Variants in FBXO34 observed in about 807,000 individuals in gnomAD.
FBXO34 encodes the protein F-box only protein 34.
In FBXO34, 12 loss-of-function variants were observed where a neutral mutation model predicts 24.5. The ratio of observed to expected loss-of-function variants is 0.49; its 90% CI spans 0.31 to 0.79. The LOEUF (loss-of-function observed/expected upper bound fraction) is 0.79, where lower values mean the gene tolerates loss of function less well. Ranked by LOEUF, FBXO34 falls within the 30% of genes least tolerant of loss-of-function variation. The pLI is 0.04. For synonymous variants in FBXO34, 320 were observed against 311.9 expected, an observed-to-expected ratio of 1.03 and a Z score of -0.27; for missense variants, 823 against 857.7, an observed-to-expected ratio of 0.96 and a Z score of 0.51.
the FBXO34 span, among the ~76,000 whole-genome samples, chr14:55,393,925 C>T: frequency 2.6e-5 from 4 of 151,820 alleles, no homozygotes; most frequent in East Asian, 7.7e-4. Flanking sequence ...TTATTTTTTT[C>T]CATTAATAAA....
At chr14:55,437,357 A>C in the FBXO34 span, among the ~76,000 whole-genome samples, 1 of 152,248 alleles carries the variant, frequency 6.6e-6, no homozygotes, top group Admixed American at 6.5e-5. Context: ...GCCTGCCTGT[A>C]ATCCCAGCTA....
chr14:55,296,346 G>C (rs1319021237), intron 1 of FBXO34, among the ~76,000 whole-genome samples: 1 of 149,650 alleles, frequency 6.7e-6, no homozygotes, highest in East Asian at 2.0e-4. Context: ...TGAAGGAGTA[G>C]AGGGGTAGAC....
chr14:55,440,296 T>C, the FBXO34 span: 5 of 1,440,852 alleles, frequency 3.5e-6, no homozygotes. Context: ...GCCCGCCTCT[T>C]ATGGTCGCTA....
intron 1 of FBXO34, among the ~76,000 whole-genome samples, chr14:55,273,693 T>C (rs1308513149): frequency 6.6e-6 from 1 of 152,216 alleles, no homozygotes; most frequent in Non-Finnish European, 1.5e-5. Flanking sequence ...CTTGGCAAGA[T>C]ACTATGTAAT....
At chr14:55,414,447 C>G in the FBXO34 span, 1 of 1,603,394 alleles carries the variant, frequency 6.2e-7, no homozygotes, top group South Asian at 1.1e-5. Flanking sequence ...TCAGAACGTT[C>G]TTTGGCACCT....
chr14:55,414,568 G>A, the FBXO34 span: 1 of 707,996 alleles, frequency 1.4e-6, no homozygotes, highest in Non-Finnish European at 2.2e-6. Flanking sequence ...CATCTCTTTA[G>A]CTGTACCTGA....
intron 1 of FBXO34, among the ~76,000 whole-genome samples, chr14:55,304,303 A>C (rs1489506862): frequency 2.6e-5 from 4 of 152,060 alleles, no homozygotes; most frequent in Non-Finnish European, 4.4e-5. Context: ...TAATTCATTA[A>C]CACCATCATG....
At chr14:55,440,577 C>T in the FBXO34 span, 1 of 1,560,498 alleles carries the variant, frequency 6.4e-7, no homozygotes, top group East Asian at 2.3e-5. Flanking sequence ...GGCGGGGCGG[C>T]CCTCGGCCCA....
At chr14:55,335,335 G>A (rs1883739429) in intron 1 of FBXO34, 1 of 152,138 alleles carries the variant, frequency 6.6e-6, no homozygotes, top group East Asian at 1.9e-4. Flanking sequence ...AGGAGTTGAT[G>A]GTAGGTAATG....
chr14:55,273,179 T>C (rs912948426), intron 1 of FBXO34, among the ~76,000 whole-genome samples: 1 of 152,056 alleles, frequency 6.6e-6, no homozygotes, highest in African/African-American at 2.4e-5. Flanking sequence ...GTACGGTTTT[T>C]TTTTTTTCCT....
the FBXO34 span, chr14:55,440,549 T>G: frequency 6.3e-7 from 1 of 1,596,682 alleles, no homozygotes. Flanking sequence ...AGGCCATTTA[T>G]GAGCCTGGGG....
the FBXO34 span, among the ~76,000 whole-genome samples, chr14:55,420,111 C>G: frequency 6.6e-6 from 1 of 152,192 alleles, no homozygotes; most frequent in Non-Finnish European, 1.5e-5. Context: ...TGCTCTGTTA[C>G]CCAGGCTAGA....
intron 1 of FBXO34, among the ~76,000 whole-genome samples, chr14:55,340,952 T>C (rs376342380): frequency 6.6e-6 from 1 of 152,172 alleles, no homozygotes; most frequent in African/African-American, 2.4e-5. Flanking sequence ...ATGTCAGAAA[T>C]TGCTATTGCC....
At chr14:55,413,809 C>T in the FBXO34 span, 1 of 373,652 alleles carries the variant, frequency 2.7e-6, no homozygotes, top group Non-Finnish European at 5.2e-6. Context: ...CACATTCATT[C>T]TCTTGGCAAA....
intron 1 of FBXO34, among the ~76,000 whole-genome samples, chr14:55,316,353 A>C (rs369431817): frequency 1.3e-5 from 2 of 151,544 alleles, no homozygotes; most frequent in Admixed American, 1.3e-4. Context: ...TTGGGAGGCC[A>C]AGGTAGGTCT....
chr14:55,366,052 AG>A (rs765158842), downstream of FBXO34, among the ~76,000 whole-genome samples: 58 of 152,200 alleles, frequency 3.8e-4, no homozygotes, highest in South Asian at 4.1e-4. Flanking sequence ...AAGTCTGGGC[AG>A]GTTCCACGTG....
At chr14:55,338,413 T>C (rs529862292) in intron 1 of FBXO34, among the ~76,000 whole-genome samples, 174 of 152,254 alleles carry the variant, frequency 1.1e-3, no homozygotes, top group Admixed American at 1.6e-3. Flanking sequence ...CCATCTCTGA[T>C]TCAGTTTCTT....
the FBXO34 span, chr14:55,380,469 G>A: frequency 1.4e-6 from 1 of 738,596 alleles, no homozygotes; most frequent in Non-Finnish European, 2.3e-6. Flanking sequence ...CTCTGTCTTG[G>A]TAATACTTAC....
At chr14:55,411,687 A>G in the FBXO34 span, 1 of 1,613,204 alleles carries the variant, frequency 6.2e-7, no homozygotes, top group African/African-American at 1.3e-5. Context: ...GTAGTGTTGC[A>G]CAGCGGGCAG....
Sources: gnomAD v4.1 joint callset for allele counts (sites outside exome capture counted in the v4.1 genomes callset) on GRCh38, gnomAD v4.1.1 for gene constraint, MANE v1.5 for transcripts, NCBI Gene and HGNC (gene_info 2026-07-23, HGNC 2026-07-21) for gene names.